The following GSE1 variants were observed in gnomAD, a reference collection of about 807,000 sequenced individuals.
GSE1 encodes the protein genetic suppressor element 1.
Under a neutral mutation model 112.6 loss-of-function variants are expected in GSE1, and 32 were observed. The ratio of observed to expected loss-of-function variants is 0.28; its 90% CI spans 0.21 to 0.38. The LOEUF is 0.38. Among genes scored for constraint, GSE1 ranks in the 10% least tolerant of loss-of-function variants. The pLI, the probability that GSE1 is intolerant of heterozygous loss-of-function variation, is 1.00. For missense variants in GSE1, 2,348 were observed against 1,699.2 expected (o/e 1.38, Z -6.71); for synonymous variants, 1,115 against 735.6 (o/e 1.52, Z -8.35).
chr16:85,534,788 C>A (rs2044268106), intron 2 of GSE1, among the ~76,000 whole-genome samples: 2 of 152,168 alleles, frequency 1.3e-5, no homozygotes, highest in Admixed American at 1.3e-4. Flanking sequence ...CAGCGTTGCT[C>A]CCCTGTCTGT....
chr16:85,556,587 T>C (rs2045227062), intron 1 of GSE1, among the ~76,000 whole-genome samples: 1 of 150,988 alleles, frequency 6.6e-6, no homozygotes, highest in Non-Finnish European at 1.5e-5. Flanking sequence ...GCCGCCCCCA[T>C]CGCGCCGCCG....
chr16:85,312,217 G>T (rs1040327692), intron 1 of GSE1, among the ~76,000 whole-genome samples: 1 of 148,892 alleles, frequency 6.7e-6, no homozygotes, highest in Admixed American at 6.7e-5. Context: ...GGGGGGGGGG[G>T]ACACACTTAC....
At chr16:85,547,012 C>T (rs892434120) in intron 2 of GSE1, among the ~76,000 whole-genome samples, 1 of 152,164 alleles carries the variant, frequency 6.6e-6, no homozygotes, top group South Asian at 2.1e-4. Flanking sequence ...GCGGGCAGGT[C>T]CCAGTGGAGT....
Position 85,674,865 on chromosome 16 carries a change from C to G in GSE1, c.*2326C>G, listed in dbSNP as rs1224094456. 6.5e-6 allele frequency: 1 copy of G among 152,748 alleles called. No individual in the cohort carries two copies. The highest frequency in any genetic ancestry group is 1.5e-5 in the Non-Finnish European group (1 of 68,076). 9.5% of individuals were successfully genotyped at this position (152,748 alleles called of 1,614,324 possible). On this transcript the variant is annotated 3_prime_UTR_variant, in exon 16 of 16. Transcript: ENST00000253458. ...GCCCGGCCCTTGAGCTTCTTGCCCA[C>G]TGTCTCCCCATCCTTCCACCTACTT...
chr16:85,548,593 G>T (rs2044788226), intron 2 of GSE1, among the ~76,000 whole-genome samples: 1 of 152,140 alleles, frequency 6.6e-6, no homozygotes, highest in South Asian at 2.1e-4. Flanking sequence ...TTTTTTACGG[G>T]TGAGTAGTAT....
At position 85,655,809 on chromosome 16, in the gene GSE1, C is replaced by T. The variant is rs1230647959; in HGVS notation, c.881C>T (p.Pro294Leu). The change falls in exon 6 of 16, where the codon CCA (proline) becomes CTA (leucine). Residue 294 changes from proline (P) to leucine (L), a missense_variant. Physicochemically the swap from Pro to Leu is moderately conservative, Grantham distance 98. Transcript: ENST00000253458. ...PTPGSLPPLH[P>L]SAMHLHLSGV... Reference sequence around the variant, plus strand: ...CCCGGCTCCCTGCCCCCACTGCACCCATCAGCGATGCACCTGCACCTCTCT... The same window carrying T: ...CCCGGCTCCCTGCCCCCACTGCACCTATCAGCGATGCACCTGCACCTCTCT... 3.7e-6 allele frequency: 6 copies of T among 1,609,798 alleles called. No homozygotes were observed. The highest frequency in any genetic ancestry group is 2.2e-5 in the East Asian group (1 of 44,880).
intron 2 of GSE1, among the ~76,000 whole-genome samples, chr16:85,460,294 G>A (rs991586830): frequency 1.2e-4 from 19 of 152,142 alleles, no homozygotes; most frequent in Non-Finnish European, 2.5e-4. Flanking sequence ...GAGACACACT[G>A]ATACCTGGAC....
At chr16:85,642,292 CAGAG>C (rs2050507858) in intron 2 of GSE1, among the ~76,000 whole-genome samples, 1 of 152,348 alleles carries the variant, frequency 6.6e-6, no homozygotes, top group South Asian at 2.1e-4. Flanking sequence ...GCCTGGGTGA[CAGAG>C]AGAGACCCTG....
chr16:85,465,374 G>A (rs115100443), intron 2 of GSE1, among the ~76,000 whole-genome samples: 1,553 of 152,322 alleles, frequency 0.01, 25 homozygotes, highest in African/African-American at 0.036. Flanking sequence ...ACAGCGCCAG[G>A]CCTGGGCTCC....
intron 2 of GSE1, among the ~76,000 whole-genome samples, chr16:85,423,290 C>T (rs1177670511): frequency 6.6e-6 from 1 of 152,232 alleles, no homozygotes; most frequent in African/African-American, 2.4e-5. Flanking sequence ...AAGGCCAGGC[C>T]CTGGGTCAGG....
chr16:85,185,246 T>G (rs1246364291), intron 1 of GSE1: 2 of 152,280 alleles, frequency 1.3e-5, no homozygotes, highest in Non-Finnish European at 2.9e-5. Context: ...AGAGGGAAAG[T>G]GACTTGCCCA....
At chr16:85,368,765 C>T (rs2047236917) in intron 2 of GSE1, among the ~76,000 whole-genome samples, 1 of 152,126 alleles carries the variant, frequency 6.6e-6, no homozygotes, top group African/African-American at 2.4e-5. Context: ...AAATAAAATT[C>T]CAGCAACTGT....
chr16:85,661,236 C>T lies in GSE1; in HGVS notation c.1731C>T (p.Leu577=). ...CTCTGATTTCGCCCAAGCCCCAGCT[C>T]CATGCTGCACCCACGGCCCTCTGGA... is the stretch of plus-strand genomic sequence containing the variant. ...PPPLISPKPQ[L]HAAPTALWNP... The change falls in exon 9 of 16, where the codon CTC becomes CTT. Residue 577 remains leucine (L), a synonymous_variant. Transcript: ENST00000253458. 6.2e-7 allele frequency: 1 copy of T among 1,612,698 alleles called. No individual in the cohort carries two copies.
At chr16:85,551,312 A>G (rs552077372), upstream of GSE1, among the ~76,000 whole-genome samples, 90 of 152,238 alleles carry the variant, frequency 5.9e-4, no homozygotes, top group Non-Finnish European at 1.1e-3. Flanking sequence ...CCCTTCTCAC[A>G]TGGGCACCTG....
chr16:85,286,131 A>G (rs2045017741), intron 1 of GSE1, among the ~76,000 whole-genome samples: 1 of 152,242 alleles, frequency 6.6e-6, no homozygotes, highest in Non-Finnish European at 1.5e-5. Flanking sequence ...CCTCTTGCCC[A>G]GCCAGGAGGT....
At chr16:85,418,993 C>G (rs557067555) in intron 2 of GSE1, among the ~76,000 whole-genome samples, 1 of 152,100 alleles carries the variant, frequency 6.6e-6, no homozygotes, top group Non-Finnish European at 1.5e-5. Flanking sequence ...GCTGGAGCTC[C>G]GTCCTGGCCA....
chr16:85,382,333 C>G (rs1297709544), intron 2 of GSE1, among the ~76,000 whole-genome samples: 1 of 152,208 alleles, frequency 6.6e-6, no homozygotes, highest in African/African-American at 2.4e-5. Flanking sequence ...CTTGTAGTCA[C>G]CAGACCCTCT....
Position 85,673,027 on chromosome 16 carries a change from T to G in GSE1, c.*488T>G, listed in dbSNP as rs1049868. The G allele has an allele frequency of 6.6e-6, 1 of 152,134 alleles. No individual in the cohort carries two copies. The highest frequency in any genetic ancestry group is 1.5e-5 in the Non-Finnish European group (1 of 68,090). The allele number at this position is 152,134 out of a possible 1,614,324, so 9.4% of individuals were successfully genotyped here. On this transcript the variant is annotated 3_prime_UTR_variant, in exon 16 of 16. Coordinates refer to ENST00000253458, the MANE Select transcript of GSE1 (RefSeq NM_014615.5). Reference sequence around the variant, plus strand: ...CTTCAGCTGAAAAGGTTGGGTGCATTGTCAGTAAAAAGGGCTTATTTGTTT... The same window carrying G: ...CTTCAGCTGAAAAGGTTGGGTGCATGGTCAGTAAAAAGGGCTTATTTGTTT...
intron 2 of GSE1, among the ~76,000 whole-genome samples, chr16:85,395,622 C>T (rs574073089): frequency 4.6e-5 from 7 of 152,332 alleles, no homozygotes; most frequent in African/African-American, 1.7e-4. Flanking sequence ...GGCTCCAGAC[C>T]TCCCTTTCTC....
Sources: gnomAD v4.1 joint callset for allele counts (sites outside exome capture counted in the v4.1 genomes callset) on GRCh38, gnomAD v4.1.1 for gene constraint, MANE v1.5 for transcripts, NCBI Gene and HGNC (gene_info 2026-07-23, HGNC 2026-07-21) for gene names.